The following PSMF1 variants were observed in gnomAD, a reference collection of about 807,000 sequenced individuals.
PSMF1 encodes proteasome inhibitor PI31 subunit.
In PSMF1, 30 loss-of-function variants were observed where a neutral mutation model predicts 29.3. The observed-to-expected ratio is 1.02, with a 90% CI of 0.77 to 1.39. The LOEUF is 1.39. Ranked by LOEUF, PSMF1 falls within the 40% of genes most tolerant of loss-of-function variation. PSMF1 has a pLI of 0.00. For missense variants in PSMF1, 344 were observed against 357.5 expected (o/e 0.96, Z 0.31); for synonymous variants, 134 against 139.7 (o/e 0.96, Z 0.29).
upstream of PSMF1, among the ~76,000 whole-genome samples, chr20:1,118,196 C>G (rs1238593683): frequency 6.6e-6 from 1 of 152,234 alleles, no homozygotes; most frequent in African/African-American, 2.4e-5. Context: ...TCAGTTTCCT[C>G]ATCTGTGCAA....
intron 3 of PSMF1, among the ~76,000 whole-genome samples, chr20:1,131,802 T>G (rs1249911586): frequency 1.3e-5 from 2 of 152,204 alleles, no homozygotes; most frequent in Admixed American, 1.3e-4. Flanking sequence ...ATGGCAGTTG[T>G]TCTTTCAAGG....
upstream of PSMF1, among the ~76,000 whole-genome samples, chr20:1,114,439 G>A (rs2085996476): frequency 6.6e-6 from 1 of 152,276 alleles, no homozygotes; most frequent in African/African-American, 2.4e-5. Context: ...GGATGATGGT[G>A]TAGAAGAGGG....
Position 1,163,011 on chromosome 20 carries a change from C to A in PSMF1, c.552-119C>A. Reference sequence around the variant, plus strand: ...TGAGCCAAGGACCACCCTGAAATATCCCTTGTGCTATGGTCTCATGCAAGG... The same window carrying A: ...TGAGCCAAGGACCACCCTGAAATATACCTTGTGCTATGGTCTCATGCAAGG... On this transcript the variant is annotated intron_variant, in intron 4 of 6. Transcript: ENST00000335877. The surrounding 1 kb of genome is among the most constrained non-coding windows in gnomAD (Gnocchi z 6.1). The A allele has an allele frequency of 9.7e-7, 1 of 1,034,666 alleles. No individual in the cohort carries two copies. The highest frequency in any genetic ancestry group is 1.5e-6 in the Non-Finnish European group (1 of 680,792). 64.1% of individuals were successfully genotyped at this position (1,034,666 alleles called of 1,614,324 possible). A position where few individuals can be genotyped will look rare whatever the true frequency, so the allele number is the denominator to read the frequency against.
At chr20:1,151,357 T>C (rs1004625770) in intron 4 of PSMF1, among the ~76,000 whole-genome samples, 13 of 152,260 alleles carry the variant, frequency 8.5e-5, no homozygotes, top group African/African-American at 3.1e-4. Flanking sequence ...AGTTGTGTTA[T>C]AATAGTAAAT....
chr20:1,116,594 C>T (rs2086013870), upstream of PSMF1, among the ~76,000 whole-genome samples: 2 of 152,220 alleles, frequency 1.3e-5, no homozygotes, highest in African/African-American at 2.4e-5. Flanking sequence ...TTCATTCCTT[C>T]ATTCAGTATT....
intron 4 of PSMF1, among the ~76,000 whole-genome samples, chr20:1,139,736 C>G (rs1037326328): frequency 1.0e-5 from 1 of 100,450 alleles, no homozygotes; most frequent in African/African-American, 3.9e-5. Context: ...CAGAGCGAGA[C>G]TCCATCTCAA....
intron 4 of PSMF1, among the ~76,000 whole-genome samples, chr20:1,157,150 T>A (rs1358976214): frequency 6.6e-6 from 1 of 152,162 alleles, no homozygotes; most frequent in Non-Finnish European, 1.5e-5. Context: ...CCTTTTCATG[T>A]TTTTCTGCCT....
intron 4 of PSMF1, chr20:1,161,767 A>G: frequency 4.4e-6 from 2 of 451,928 alleles, no homozygotes. Flanking sequence ...GCCCCTGACA[A>G]ATGTATACAC....
intron 4 of PSMF1, among the ~76,000 whole-genome samples, chr20:1,158,595 A>G (rs1480187688): frequency 6.6e-6 from 1 of 152,208 alleles, no homozygotes; most frequent in South Asian, 2.1e-4. Flanking sequence ...AGAGAAGCAC[A>G]TAAGGAAGAA....
intron 1 of PSMF1, among the ~76,000 whole-genome samples, chr20:1,125,058 C>T (rs766681008): frequency 6.6e-6 from 1 of 152,214 alleles, no homozygotes; most frequent in Non-Finnish European, 1.5e-5. Flanking sequence ...AATTTTTGTA[C>T]ATCACTGCAG....
chr20:1,151,462 G>A (rs192757234), intron 4 of PSMF1, among the ~76,000 whole-genome samples: 1 of 152,312 alleles, frequency 6.6e-6, no homozygotes, highest in Admixed American at 6.5e-5. Context: ...ACTATTGTCT[G>A]TATTTTACAC....
In PSMF1 at chr20:1,167,359, TATAATTTACATACCC is replaced by T. The variant is rs1459239181; in HGVS notation, c.*2294_*2308del. 34 of 150,698 alleles carry T rather than the reference TATAATTTACATACCC, an allele frequency of 2.3e-4. No homozygotes were observed. The highest frequency in any genetic ancestry group is 7.7e-4 in the African/African-American group (31 of 40,002). The allele number at this position is 150,698 out of a possible 1,614,324, so 9.3% of individuals were successfully genotyped here. A position where few individuals can be genotyped will look rare whatever the true frequency, so the allele number is the denominator to read the frequency against. On this transcript the variant is annotated 3_prime_UTR_variant, in exon 7 of 7. Transcript: ENST00000335877. ...TTTTTAAATAGCAGCTTTATTGAGA[TATAATTTACATACCC>T]ATAATTTACATACCTGTTTAAAGTA...
chr20:1,118,668 C>G lies in PSMF1; in HGVS notation c.-106C>G. On this transcript the variant is annotated 5_prime_UTR_variant, in exon 1 of 7. Coordinates refer to ENST00000335877, the MANE Select transcript of PSMF1 (RefSeq NM_006814.5). ...GTCTCAGGTGTGGACTCGGCAAGAA[C>G]CAGCGCAAGAGGGAAGCAGAGTTAT... is the stretch of plus-strand genomic sequence containing the variant. 7.4e-7 allele frequency: 1 copy of G among 1,360,500 alleles called. No homozygotes were observed. The highest frequency in any genetic ancestry group is 1.4e-5 in the South Asian group (1 of 70,364). The allele number at this position is 1,360,500 out of a possible 1,614,324, so 84.3% of individuals were successfully genotyped here.
chr20:1,122,213 C>G (rs147474580), intron 1 of PSMF1, among the ~76,000 whole-genome samples: 2 of 152,260 alleles, frequency 1.3e-5, no homozygotes, highest in African/African-American at 4.8e-5. Flanking sequence ...AAGCACAGCC[C>G]TACACCTGAC....
At position 1,118,730 on chromosome 20, in the gene PSMF1, C is replaced by T. The variant is rs539938844; in HGVS notation, c.-44C>T. On this transcript the variant is annotated 5_prime_UTR_variant, in exon 1 of 7. Transcript: ENST00000335877. Reference sequence around the variant, plus strand: ...CCGCGGAGCCGGCTCACTGCACTACCCCCGCCCCCTTCTTTCCTCCAGACG... The same window carrying T: ...CCGCGGAGCCGGCTCACTGCACTACTCCCGCCCCCTTCTTTCCTCCAGACG... 9 of 1,595,162 alleles carry T rather than the reference C, an allele frequency of 5.6e-6. No individual in the cohort carries two copies. In the East Asian group the frequency reaches 1.8e-4, roughly 32 times the overall value.
chr20:1,143,326 G>A (rs982755563), intron 4 of PSMF1, among the ~76,000 whole-genome samples: 22 of 152,220 alleles, frequency 1.4e-4, no homozygotes, highest in African/African-American at 4.8e-4. Flanking sequence ...GAACAGAATA[G>A]TGAACACAGA....
Position 1,167,624 on chromosome 20 carries a change from G to A in PSMF1, c.*2544G>A, listed in dbSNP as rs1442890997. The A allele has an allele frequency of 6.6e-6, 1 of 150,892 alleles. No homozygotes were observed. Among genetic ancestry groups the A allele is most frequent in the African/African-American group, 2.4e-5 (1 of 40,854 alleles). 9.3% of individuals were successfully genotyped at this position (150,892 alleles called of 1,614,324 possible). On this transcript the variant is annotated 3_prime_UTR_variant, in exon 7 of 7. Transcript: ENST00000335877. ...ATCACTCAGTATTATGGCCTTTTGT[G>A]TCTGGCTTCTTTCATTTCATGTGAT...
At chr20:1,119,033 T>C in intron 1 of PSMF1, 131 bp downstream of exon 1, 2 of 1,305,634 alleles carry the variant, frequency 1.5e-6, no homozygotes, top group Non-Finnish European at 2.1e-6. Context: ...GATGGCAGCG[T>C]TGGTAAAACC....
At chr20:1,157,940 C>T (rs1439517326) in intron 4 of PSMF1, among the ~76,000 whole-genome samples, 2 of 152,144 alleles carry the variant, frequency 1.3e-5, no homozygotes, top group Non-Finnish European at 2.9e-5. Context: ...CTCTTCCTTA[C>T]CTCCGTTCTA....
Sources: gnomAD v4.1 joint callset for allele counts (sites outside exome capture counted in the v4.1 genomes callset) on GRCh38, gnomAD v4.1.1 for gene constraint, Gnocchi (gnomAD v3.1) non-coding constraint, MANE v1.5 for transcripts, NCBI Gene and HGNC (gene_info 2026-07-23, HGNC 2026-07-21) for gene names.